PRR12: variants seen among roughly 807,000 people sequenced by gnomAD.
PRR12 encodes the protein proline rich 12, also known as proline-rich protein 12.
Under a neutral mutation model 138.0 loss-of-function variants are expected in PRR12, and 12 were observed. The ratio of observed to expected loss-of-function variants is 0.09; its 90% CI spans 0.06 to 0.14. The LOEUF is 0.14. Ranked by LOEUF, PRR12 falls within the 10% of genes least tolerant of loss-of-function variation. The pLI is 1.00. For synonymous variants in PRR12, 1,567 were observed against 1,291.7 expected (o/e 1.21, Z -4.57); for missense variants, 2,692 against 2,861.3 (o/e 0.94, Z 1.35).
chr19:49,596,662 C>T lies in PRR12; in HGVS notation c.2327C>T (p.Pro776Leu). Residue 776 changes from proline to leucine, a missense_variant, in exon 4 of 14, where the codon CCC becomes CTC. Pro to Leu is a moderately conservative substitution (Grantham distance 98). Coordinates refer to ENST00000418929, the MANE Select transcript of PRR12 (RefSeq NM_020719.3). This position sits in a 1 kb window ranked among gnomAD's most constrained non-coding sequence, Gnocchi z 5.6. ...PPPPTAQSTQ[P>L]TPHGLLLEAG... ...CCTCCCACGGCCCAGTCTACCCAGC[C>T]CACTCCCCATGGCCTCCTTCTGGAG... 6.2e-7 allele frequency: 1 copy of T among 1,605,616 alleles called. No individual in the cohort carries two copies. The highest frequency in any genetic ancestry group is 8.5e-7 in the Non-Finnish European group (1 of 1,178,104).
intron 8 of PRR12, 151 bp from the exon 9 acceptor site, chr19:49,615,596 G>T (rs1441596710): frequency 1.5e-6 from 1 of 681,246 alleles, no homozygotes; most frequent in East Asian, 2.9e-5. Context: ...GGGGGTCAGA[G>T]TCCCAGAGAG....
intron 6 of PRR12, among the ~76,000 whole-genome samples, chr19:49,606,315 C>CT (rs112170187): frequency 0.019 from 2,653 of 141,342 alleles, 77 homozygotes; most frequent in African/African-American, 0.062. Flanking sequence ...TTTTTTTCTT[C>CT]TTTTTTTTTT....
At chr19:49,620,685 T>G (rs538783319) in intron 10 of PRR12, among the ~76,000 whole-genome samples, 2 of 137,942 alleles carry the variant, frequency 1.4e-5, no homozygotes, top group Non-Finnish European at 3.1e-5. Context: ...CCCTGGGTCC[T>G]AGGGAGAAGA....
chr19:49,604,860 C>T (rs904885078), intron 6 of PRR12, among the ~76,000 whole-genome samples: 2 of 151,758 alleles, frequency 1.3e-5, no homozygotes, highest in African/African-American at 2.4e-5. Context: ...ATTTCTATGC[C>T]CGTTTTTTCT....
At chr19:49,611,107 G>A (rs916932594) in intron 6 of PRR12, among the ~76,000 whole-genome samples, 4 of 151,846 alleles carry the variant, frequency 2.6e-5, no homozygotes, top group East Asian at 1.9e-4. Context: ...CTTCCAAAGC[G>A]TTGGGATTAC....
In PRR12 at chr19:49,596,823, G is replaced by A. The variant is rs749307021; in HGVS notation, c.2488G>A (p.Asp830Asn). Residue 830 changes from aspartate to asparagine, a missense_variant, in exon 4 of 14, where the codon GAT (aspartate) becomes AAT (asparagine). Transcript: ENST00000418929. This position sits in a 1 kb window ranked among gnomAD's most constrained non-coding sequence, Gnocchi z 5.6. ...CCACCTCCTTGAGCCAGCCACCCGC[G>A]ATGGGGCACCCCAGCCACCTCCACC... ...GVHLLEPATR[D>N]GAPQPPPPPP... 3 of 1,596,916 alleles carry A rather than the reference G, an allele frequency of 1.9e-6. No individual in the cohort carries two copies. The highest frequency in any genetic ancestry group is 1.3e-5 in the African/African-American group (1 of 74,522).
intron 11 of PRR12, among the ~76,000 whole-genome samples, chr19:49,624,413 C>T (rs113222846): frequency 0.3 from 43,780 of 144,194 alleles, 7,898 homozygotes; most frequent in African/African-American, 0.53. Flanking sequence ...TAGGATGGGG[C>T]TGAGAATTCT....
chr19:49,594,490 C>T lies in PRR12; in HGVS notation c.236C>T (p.Ala79Val), dbSNP rs771796250. 10 of 1,612,412 alleles carry T rather than the reference C, an allele frequency of 6.2e-6. No individual in the cohort carries two copies. Among genetic ancestry groups the T allele is most frequent in the South Asian group, 2.2e-5 (2 of 90,836 alleles). Residue 79 changes from alanine (A) to valine (V), a missense_variant, in exon 3 of 14, where the codon GCG (alanine) becomes GTG (valine). Ala to Val is a moderately conservative substitution (Grantham distance 64). Coordinates refer to ENST00000418929, the MANE Select transcript of PRR12 (RefSeq NM_020719.3). This position sits in a 1 kb window ranked among gnomAD's most constrained non-coding sequence, Gnocchi z 5.6. ...SGLFDTGLHHAGSAGPDASVM... is the reference protein window; with the variant it reads ...SGLFDTGLHHVGSAGPDASVM... ...CTCTTCGACACTGGCCTCCACCACG[C>T]GGGCTCAGCAGGGCCCGACGCCTCC...
intron 5 of PRR12, among the ~76,000 whole-genome samples, chr19:49,600,439 T>G: frequency 7.1e-6 from 1 of 141,794 alleles, no homozygotes. Flanking sequence ...CATTGGGAAA[T>G]GAGAGGTGGG....
intron 4 of PRR12, 64 bp downstream of exon 4, chr19:49,598,077 T>TC: frequency 1.9e-6 from 1 of 530,622 alleles, no homozygotes; most frequent in Non-Finnish European, 2.4e-6. Context: ...GTTTGAGTCT[T>TC]TTTTTTTTTT....
In PRR12 at chr19:49,607,361, G is replaced by GCGCGCGCACACACACACACA. The variant is rs1555742564; in HGVS notation, c.4773+5444_4773+5445insGCGCGCACACACACACACAC. On this transcript the variant is annotated intron_variant, in intron 6 of 13. Transcript: ENST00000418929. Reference sequence around the variant, plus strand: ...GAGTGAGCCTCTGTCATGTACGTGTGCACACACACACACACACACAGAGTT... The same window carrying GCGCGCGCACACACACACACA: ...GAGTGAGCCTCTGTCATGTACGTGTGCGCGCGCACACACACACACACACACACACACACACACACAGAGTT... Among the ~76,000 whole-genome samples the GCGCGCGCACACACACACACA allele has an allele frequency of 6.7e-3, 997 of 147,856 alleles. 9 individuals carry two copies. The highest frequency in any genetic ancestry group is 0.01 in the Non-Finnish European group (691 of 67,168).
rs950648424 is a variant in PRR12 at position 49,598,116 on chromosome 19, C to T, written c.3678+103C>T. On this transcript the variant is annotated intron_variant, in intron 4 of 13. Transcript: ENST00000418929. ...TGAGACAGAGTCTCGCTCTGTCGTC[C>T]AGGCTGGAGTGCAGTGGCACGATCT... 6.6e-6 allele frequency: 8 copies of T among 1,203,424 alleles called. No homozygotes were observed. In the African/African-American group the frequency reaches 7.9e-5, roughly 12 times the overall value. 74.5% of individuals were successfully genotyped at this position (1,203,424 alleles called of 1,614,324 possible). A position where few individuals can be genotyped will look rare whatever the true frequency, so the allele number is the denominator to read the frequency against.
At position 49,591,626 on chromosome 19, in the gene PRR12, C is replaced by G; in HGVS notation, c.-29C>G. 1 of 1,020,846 alleles carries G rather than the reference C, an allele frequency of 9.8e-7. No individual in the cohort carries two copies. The highest frequency in any genetic ancestry group is 1.4e-6 in the Non-Finnish European group (1 of 728,044). 63.2% of individuals were successfully genotyped at this position (1,020,846 alleles called of 1,614,324 possible). A position where few individuals can be genotyped will look rare whatever the true frequency, so the allele number is the denominator to read the frequency against. On this transcript the variant is annotated 5_prime_UTR_variant, in exon 1 of 14. Coordinates refer to ENST00000418929, the MANE Select transcript of PRR12 (RefSeq NM_020719.3). ...CCCCTCCCTCCCTCCCTCCCTCCCCCTCCCCCCAATTTCCACCGCGGCCAA... is the reference window on the plus strand; with the variant it reads ...CCCCTCCCTCCCTCCCTCCCTCCCCGTCCCCCCAATTTCCACCGCGGCCAA...
In PRR12 at chr19:49,597,277, C is replaced by T. The variant is rs1322609162; in HGVS notation, c.2942C>T (p.Pro981Leu). 11 of 1,564,396 alleles carry T rather than the reference C, an allele frequency of 7.0e-6. No homozygotes were observed. Among genetic ancestry groups the T allele is most frequent in the East Asian group, 2.4e-5 (1 of 42,388 alleles). Residue 981 changes from proline (P) to leucine (L), a missense_variant, in exon 4 of 14, where the codon CCC becomes CTC. Physicochemically the swap from Pro to Leu is moderately conservative, Grantham distance 98. Coordinates refer to ENST00000418929, the MANE Select transcript of PRR12 (RefSeq NM_020719.3). This position sits in a 1 kb window ranked among gnomAD's most constrained non-coding sequence, Gnocchi z 6.3. ...EGDPKAGAGP[P>L]PGPPAYDPYG... The stretch of plus-strand genomic sequence containing the variant: ...GACCCCAAGGCTGGCGCTGGGCCAC[C>T]CCCCGGCCCCCCTGCTTATGATCCC...
chr19:49,602,551 G>T (rs569816181), intron 6 of PRR12, among the ~76,000 whole-genome samples: 1 of 152,268 alleles, frequency 6.6e-6, no homozygotes, highest in African/African-American at 2.4e-5. Context: ...TGTGTGTCAG[G>T]CCATATCTTT....
chr19:49,594,488 C>G lies in PRR12; in HGVS notation c.234C>G (p.His78Gln), dbSNP rs757666286. The G allele has an allele frequency of 7.4e-6, 12 of 1,612,448 alleles. No homozygotes were observed. Among genetic ancestry groups the G allele is most frequent in the Non-Finnish European group, 1.0e-5 (12 of 1,179,410 alleles). ...LSGLFDTGLHHAGSAGPDASV... is the reference protein window; with the variant it reads ...LSGLFDTGLHQAGSAGPDASV... ...GACTCTTCGACACTGGCCTCCACCA[C>G]GCGGGCTCAGCAGGGCCCGACGCCT... The change falls in exon 3 of 14, where the codon CAC becomes CAG. Residue 78 changes from histidine to glutamine, a missense_variant. Physicochemically the swap from His to Gln is conservative, Grantham distance 24. Coordinates refer to ENST00000418929, the MANE Select transcript of PRR12 (RefSeq NM_020719.3). The surrounding 1 kb of genome is among the most constrained non-coding windows in gnomAD (Gnocchi z 5.6).
Position 49,599,540 on chromosome 19 carries a change from C to G in PRR12, c.3947C>G (p.Ser1316Cys). The change falls in exon 5 of 14, where the codon TCT (serine) becomes TGT (cysteine). Residue 1316 changes from serine (S) to cysteine (C), a missense_variant. By Grantham distance (112) the Ser-to-Cys change is moderately radical. Around this residue, in one of 11 missense-constraint regions of PRR12, gnomAD observed 326 missense variants for 344.2 expected, o/e 0.95. Coordinates refer to ENST00000418929, the MANE Select transcript of PRR12 (RefSeq NM_020719.3). The surrounding 1 kb of genome is among the most constrained non-coding windows in gnomAD (Gnocchi z 5.0). ...AGCCCTCCCAAGAGTGTGCCACCCT[C>G]TGTGCCAGCCCGAGGCCTGCAGCCC... ...PLSPPKSVPP[S>C]VPARGLQPQP... 6.3e-7 allele frequency: 1 copy of G among 1,596,198 alleles called. No individual in the cohort carries two copies. Among genetic ancestry groups the G allele is most frequent in the East Asian group, 2.3e-5 (1 of 44,070 alleles).
rs1312571676 is a variant in PRR12 at position 49,622,928 on chromosome 19, T to TAG, written c.5721+1334_5721+1335dup. Among the ~76,000 whole-genome samples, 397 of 77,744 alleles carry TAG rather than the reference T, an allele frequency of 5.1e-3. 5 individuals carry two copies. The highest frequency in any genetic ancestry group is 0.019 in the East Asian group (70 of 3,672). The allele number at this position is 77,744 out of a possible 152,430, so 51.0% of individuals were successfully genotyped here. ...AAAAACATATATATATATATATATA[T>TAG]AGAGAGAGAGAGAGAGAGAGAGAGA... On this transcript the variant is annotated intron_variant, in intron 11 of 13. Transcript: ENST00000418929.
chr19:49,614,527 C>G lies in PRR12; in HGVS notation c.4774-6C>G, dbSNP rs2080881971. On this transcript the variant is annotated splice_polypyrimidine_tract_variant and splice_region_variant and intron_variant, in intron 6 of 13. Coordinates refer to ENST00000418929, the MANE Select transcript of PRR12 (RefSeq NM_020719.3). This position sits in a 1 kb window ranked among gnomAD's most constrained non-coding sequence, Gnocchi z 5.0. ...CTGCTGGCCTCACCACACCCCTCCT[C>G]CTCAGCTGGCGTTGCAGACGGGGCG... 6.5e-7 allele frequency: 1 copy of G among 1,539,342 alleles called. No homozygotes were observed. The highest frequency in any genetic ancestry group is 8.8e-7 in the Non-Finnish European group (1 of 1,141,324).
Sources: allele counts gnomAD v4.1 joint callset (sites outside exome capture counted in the v4.1 genomes callset), GRCh38; gene constraint gnomAD v4.1.1; regional missense constraint gnomAD v4.1.1; non-coding constraint Gnocchi (gnomAD v3.1); transcripts MANE v1.5; gene names NCBI Gene and HGNC (gene_info 2026-07-23, HGNC 2026-07-21).